PELI2: variants seen among roughly 807,000 people sequenced by gnomAD.
PELI2 encodes pellino E3 ubiquitin protein ligase family member 2.
Under a neutral mutation model 42.3 loss-of-function variants are expected in PELI2, and 23 were observed. The ratio of observed to expected loss-of-function variants is 0.54; its 90% CI spans 0.39 to 0.77. The LOEUF is 0.77. Ranked by LOEUF, PELI2 falls within the 30% of genes least tolerant of loss-of-function variation. The probability of loss-of-function intolerance (pLI) is 0.00; values close to 1 mark genes in which losing one functional copy is unlikely to be tolerated. For missense variants in PELI2, 463 were observed against 553.2 expected (o/e 0.84, Z 1.64); for synonymous variants, 245 against 212.2 (o/e 1.15, Z -1.34).
intron 2 of PELI2, among the ~76,000 whole-genome samples, chr14:56,266,827 ATAATT>A (rs1438396121): frequency 6.6e-6 from 1 of 152,098 alleles, no homozygotes. Context: ...TAAAATTTAA[ATAATT>A]TAATGCCTGC....
chr14:56,140,743 T>C (rs1005799511), intron 1 of PELI2, among the ~76,000 whole-genome samples: 2 of 152,228 alleles, frequency 1.3e-5, no homozygotes, highest in African/African-American at 4.8e-5. Flanking sequence ...CAATTTGAAA[T>C]TTTGGTTTAA....
intron 2 of PELI2, among the ~76,000 whole-genome samples, chr14:56,253,160 G>A (rs1200530292): frequency 2.0e-5 from 3 of 152,144 alleles, no homozygotes; most frequent in Non-Finnish European, 4.4e-5. Flanking sequence ...ACCTCTTCAT[G>A]CTAAAAACTC....
At chr14:56,135,329 G>A (rs1336874850) in intron 1 of PELI2, among the ~76,000 whole-genome samples, 1 of 152,204 alleles carries the variant, frequency 6.6e-6, no homozygotes, top group Non-Finnish European at 1.5e-5. Context: ...ATTTAGTTTT[G>A]ATTGGATTAT....
At chr14:56,294,237 G>C (rs1889927893) in intron 5 of PELI2, among the ~76,000 whole-genome samples, 1 of 152,200 alleles carries the variant, frequency 6.6e-6, no homozygotes, top group South Asian at 2.1e-4. Context: ...GGTGAGACCT[G>C]GATGACAAGT....
chr14:56,255,607 C>T (rs1888501254), intron 2 of PELI2, among the ~76,000 whole-genome samples: 2 of 152,210 alleles, frequency 1.3e-5, no homozygotes, highest in South Asian at 4.2e-4. Flanking sequence ...ATGTTGTGCA[C>T]ATGTATCCCA....
intron 2 of PELI2, among the ~76,000 whole-genome samples, chr14:56,201,770 A>T (rs916084016): frequency 3.3e-5 from 5 of 152,222 alleles, no homozygotes; most frequent in Non-Finnish European, 7.3e-5. Context: ...AACTATGTAC[A>T]ATAATTCCAT....
chr14:56,270,056 G>T (rs1889044460), intron 2 of PELI2, among the ~76,000 whole-genome samples: 1 of 152,160 alleles, frequency 6.6e-6, no homozygotes, highest in Non-Finnish European at 1.5e-5. Flanking sequence ...GATAGATTGA[G>T]CGTGCCTGCC....
chr14:56,226,830 A>G (rs1409439305), intron 2 of PELI2, among the ~76,000 whole-genome samples: 4 of 152,226 alleles, frequency 2.6e-5, no homozygotes, highest in Non-Finnish European at 2.9e-5. Context: ...AGTGAACTTT[A>G]TATCTTCAGA....
intron 2 of PELI2, among the ~76,000 whole-genome samples, chr14:56,274,359 A>C (rs1247605673): frequency 6.6e-6 from 1 of 152,206 alleles, no homozygotes; most frequent in African/African-American, 2.4e-5. Flanking sequence ...GATATGTGTT[A>C]GTTTCTCTAT....
intron 1 of PELI2, among the ~76,000 whole-genome samples, chr14:56,177,757 T>C (rs1424582420): frequency 6.6e-6 from 1 of 152,242 alleles, no homozygotes; most frequent in Non-Finnish European, 1.5e-5. Context: ...ATATATTTAA[T>C]TTCTGCAAGC....
chr14:56,215,302 G>A (rs1886865824), intron 2 of PELI2, among the ~76,000 whole-genome samples: 3 of 152,214 alleles, frequency 2.0e-5, no homozygotes, highest in African/African-American at 4.8e-5. Context: ...TGGGCACCAA[G>A]GGGTTTGGAC....
At chr14:56,269,191 G>C (rs760183854) in intron 2 of PELI2, among the ~76,000 whole-genome samples, 1 of 152,062 alleles carries the variant, frequency 6.6e-6, no homozygotes. Context: ...CTATAGTCCC[G>C]GCACTTTAGG....
intron 5 of PELI2, among the ~76,000 whole-genome samples, chr14:56,290,731 A>C (rs909547517): frequency 6.6e-6 from 1 of 152,232 alleles, no homozygotes; most frequent in Admixed American, 6.5e-5. Context: ...CTCACCACAA[A>C]AATCTACTTA....
At position 56,301,163 on chromosome 14, in the gene PELI2, T is replaced by G. The variant is rs1187100186; in HGVS notation, c.*3997T>G. On this transcript the variant is annotated 3_prime_UTR_variant, in exon 6 of 6. Coordinates refer to ENST00000267460, the MANE Select transcript of PELI2 (RefSeq NM_021255.3). ...TGTATTGTGTTATTAGCAGTTAAAT[T>G]TTATGAATATGTTTGTAAAATTGTT... 1 of 152,664 alleles carries G rather than the reference T, an allele frequency of 6.6e-6. No homozygotes were observed. Among genetic ancestry groups the G allele is most frequent in the Non-Finnish European group, 1.5e-5 (1 of 68,044 alleles). The allele number at this position is 152,664 out of a possible 1,614,324, so 9.5% of individuals were successfully genotyped here. A position where few individuals can be genotyped will look rare whatever the true frequency, so the allele number is the denominator to read the frequency against.
intron 2 of PELI2, among the ~76,000 whole-genome samples, chr14:56,256,022 G>A (rs1037456719): frequency 1.3e-5 from 2 of 152,108 alleles, no homozygotes; most frequent in Non-Finnish European, 2.9e-5. Flanking sequence ...AAAAAGAAAA[G>A]CCTTACTGAG....
At chr14:56,128,073 G>GA (rs900794582) in intron 1 of PELI2, among the ~76,000 whole-genome samples, 12 of 150,478 alleles carry the variant, frequency 8.0e-5, no homozygotes, top group East Asian at 1.9e-4. Flanking sequence ...TTAAGATGAA[G>GA]AAAAAAAAAT....
intron 1 of PELI2, among the ~76,000 whole-genome samples, chr14:56,129,472 C>G (rs900267161): frequency 5.3e-5 from 8 of 152,214 alleles, no homozygotes; most frequent in Admixed American, 3.3e-4. Context: ...ACTGGCAGAG[C>G]AGTTAGTGAT....
chr14:56,288,308 G>T lies in PELI2; in HGVS notation c.310-129G>T. 1 of 685,512 alleles carries T rather than the reference G, an allele frequency of 1.5e-6. No individual in the cohort carries two copies. The allele number at this position is 685,512 out of a possible 1,614,324, so 42.5% of individuals were successfully genotyped here. On this transcript the variant is annotated intron_variant, in intron 3 of 5. Transcript: ENST00000267460. This position sits in a 1 kb window ranked among gnomAD's most constrained non-coding sequence, Gnocchi z 4.6. ...GAAAAGGAGCACGAATGAAAATCTT[G>T]CATTAAATTCTAACCCTCAGAACAA...
rs571395766 is a variant in PELI2 at position 56,227,429 on chromosome 14, CTG to C, written c.207+48966_207+48967del. Among the ~76,000 whole-genome samples the C allele has an allele frequency of 3.2e-3, 492 of 152,292 alleles. 3 individuals carry two copies. Among genetic ancestry groups the C allele is most frequent in the African/African-American group, 0.011 (473 of 41,556 alleles). On this transcript the variant is annotated intron_variant, in intron 2 of 5. Transcript: ENST00000267460. ...AAATACCTAAGTATATCTGGGATAA[CTG>C]GAGCCAGATTTCTCACTTCAGAGAA...
Sources: allele counts gnomAD v4.1 joint callset (sites outside exome capture counted in the v4.1 genomes callset), GRCh38; gene constraint gnomAD v4.1.1; non-coding constraint Gnocchi (gnomAD v3.1); transcripts MANE v1.5; gene names NCBI Gene and HGNC (gene_info 2026-07-23, HGNC 2026-07-21).